Variants in C9 observed in about 807,000 individuals in gnomAD.
C9 encodes the protein complement component C9.
A neutral mutation model predicts 65.4 loss-of-function variants in C9; 63 were observed. The ratio of observed to expected loss-of-function variants is 0.96; its 90% CI spans 0.79 to 1.19. C9 has a LOEUF of 1.19. C9 is among the 50% of genes most tolerant of loss of function. C9 has a pLI of 0.00. For missense variants in C9, 744 were observed against 670.1 expected, an observed-to-expected ratio of 1.11 and a Z score of -1.22; for synonymous variants, 229 against 227.9, an observed-to-expected ratio of 1.00 and a Z score of -0.04.
chr5:39,330,969 C>T (rs1753828379), intron 5 of C9, among the ~76,000 whole-genome samples: 1 of 152,216 alleles, frequency 6.6e-6, no homozygotes, highest in South Asian at 2.1e-4. Flanking sequence ...CCTTGTGGCT[C>T]TTCTTTACCA....
At chr5:39,287,145 G>A (rs1289180519) in intron 10 of C9, among the ~76,000 whole-genome samples, 1 of 151,910 alleles carries the variant, frequency 6.6e-6, no homozygotes, top group African/African-American at 2.4e-5. Context: ...CTTAGGATTA[G>A]AAACATGACT....
chr5:39,296,032 C>G (rs1435749378), intron 9 of C9, among the ~76,000 whole-genome samples: 1 of 151,384 alleles, frequency 6.6e-6, no homozygotes, highest in Admixed American at 6.6e-5. Context: ...AAAAATCAAC[C>G]CAATATAGAA....
At chr5:39,361,884 A>G (rs1271416714) in intron 1 of C9, among the ~76,000 whole-genome samples, 1 of 152,214 alleles carries the variant, frequency 6.6e-6, no homozygotes, top group African/African-American at 2.4e-5. Context: ...GTGGCATGAG[A>G]TGTCTTCAAG....
chr5:39,347,961 A>G (rs1170253824), intron 1 of C9, among the ~76,000 whole-genome samples: 2 of 143,178 alleles, frequency 1.4e-5, no homozygotes, highest in African/African-American at 5.2e-5. Context: ...AAAACTGGCT[A>G]GCCTTATGTA....
Position 39,341,117 on chromosome 5 carries a change from A to G in C9, c.476+29T>C, listed in dbSNP as rs751702332. 1.7e-5 allele frequency: 28 copies of G among 1,612,582 alleles called. No individual in the cohort carries two copies. The Admixed American group carries it at 4.0e-4, about 23-fold the overall frequency. On this transcript the variant is annotated intron_variant, in intron 4 of 10. Coordinates refer to ENST00000263408, the MANE Select transcript of C9 (RefSeq NM_001737.5). ...ATGGAGATCATTTTCACTCATTTTC[A>G]TCTGAAAAAGTACAAGTAAAATACA...
intron 10 of C9, among the ~76,000 whole-genome samples, chr5:39,285,603 T>A (rs1004480420): frequency 2.6e-5 from 4 of 151,960 alleles, no homozygotes; most frequent in Admixed American, 2.0e-4. Context: ...GTAGATTTTT[T>A]AAAAATTCAA....
At chr5:39,336,280 C>T (rs1753963383) in intron 4 of C9, among the ~76,000 whole-genome samples, 1 of 152,060 alleles carries the variant, frequency 6.6e-6, no homozygotes, top group African/African-American at 2.4e-5. Context: ...GGCACACAGA[C>T]TTCCTATATA....
intron 7 of C9, among the ~76,000 whole-genome samples, chr5:39,310,161 C>A (rs968926356): frequency 1.3e-5 from 2 of 152,126 alleles, no homozygotes; most frequent in African/African-American, 4.8e-5. Context: ...TTTTGTTATC[C>A]ATAAAGTATT....
At chr5:39,337,749 G>A (rs1753995755) in intron 4 of C9, among the ~76,000 whole-genome samples, 1 of 152,232 alleles carries the variant, frequency 6.6e-6, no homozygotes, top group Admixed American at 6.5e-5. Context: ...CACTTCTGGA[G>A]AATCTCAGAT....
intron 5 of C9, among the ~76,000 whole-genome samples, chr5:39,328,193 T>C (rs926856590): frequency 1.3e-5 from 2 of 152,132 alleles, no homozygotes; most frequent in Non-Finnish European, 2.9e-5. Flanking sequence ...AGGGACTGAG[T>C]AGCAAAGTAA....
intron 9 of C9, among the ~76,000 whole-genome samples, chr5:39,294,492 C>T (rs945126322): frequency 1.3e-4 from 19 of 151,762 alleles, no homozygotes; most frequent in African/African-American, 4.3e-4. Flanking sequence ...TAGACACATA[C>T]AACCTCTCGA....
At chr5:39,353,269 G>C (rs148584982) in intron 1 of C9, among the ~76,000 whole-genome samples, 2 of 152,270 alleles carry the variant, frequency 1.3e-5, no homozygotes, top group East Asian at 3.9e-4. Context: ...TCAATTTTCT[G>C]ACTTCTAGAT....
At chr5:39,339,852 G>A (rs540478782) in intron 4 of C9, among the ~76,000 whole-genome samples, 1 of 151,662 alleles carries the variant, frequency 6.6e-6, no homozygotes, top group South Asian at 2.1e-4. Flanking sequence ...GTAGAGATGG[G>A]TTTTCACCGT....
chr5:39,355,847 C>G (rs1453826038), intron 1 of C9, among the ~76,000 whole-genome samples: 1 of 152,208 alleles, frequency 6.6e-6, no homozygotes, highest in African/African-American at 2.4e-5. Context: ...CTTCACATGG[C>G]CTTCCCTGGT....
chr5:39,292,086 G>T (rs1041258692), intron 9 of C9, among the ~76,000 whole-genome samples: 14 of 151,656 alleles, frequency 9.2e-5, no homozygotes, highest in Admixed American at 8.6e-4. Context: ...TAATGACCAA[G>T]AATTTTTCAA....
At chr5:39,318,711 A>T (rs941263362) in intron 5 of C9, among the ~76,000 whole-genome samples, 1 of 152,228 alleles carries the variant, frequency 6.6e-6, no homozygotes, top group Non-Finnish European at 1.5e-5. Context: ...AGTGTCATGG[A>T]CTGGATTTAG....
intron 9 of C9, among the ~76,000 whole-genome samples, chr5:39,289,497 A>C (rs1579836140): frequency 6.6e-6 from 1 of 151,778 alleles, no homozygotes; most frequent in East Asian, 1.9e-4. Context: ...AGAGGGAAGG[A>C]ATATAGAAGA....
At chr5:39,347,255 C>G (rs1270524385) in intron 1 of C9, among the ~76,000 whole-genome samples, 1 of 152,068 alleles carries the variant, frequency 6.6e-6, no homozygotes, top group Non-Finnish European at 1.5e-5. Context: ...GATGACACGA[C>G]TGTATATTGA....
chr5:39,317,315 T>G (rs139727775), intron 5 of C9, among the ~76,000 whole-genome samples: 4,477 of 152,234 alleles, frequency 0.029, 198 homozygotes, highest in African/African-American at 0.099. Context: ...CACTCTGATG[T>G]TAGTTTCTTT....
Sources: allele counts gnomAD v4.1 joint callset (sites outside exome capture counted in the v4.1 genomes callset), GRCh38; gene constraint gnomAD v4.1.1; transcripts MANE v1.5; gene names NCBI Gene and HGNC (gene_info 2026-07-23, HGNC 2026-07-21).